Variants in CCDC150 observed in about 807,000 individuals in gnomAD.
CCDC150 encodes the protein coiled-coil domain-containing protein 150.
Under a neutral mutation model 156.5 loss-of-function variants are expected in CCDC150, and 151 were observed. The ratio of observed to expected loss-of-function variants is 0.97; its 90% CI spans 0.85 to 1.10. CCDC150 has a LOEUF of 1.10. Among genes scored for constraint, CCDC150 ranks in the 50% least tolerant of loss-of-function variants. The pLI is 0.00. For synonymous variants in CCDC150, 452 were observed against 429.4 expected, an observed-to-expected ratio of 1.05 and a Z score of -0.65; for missense variants, 1,312 against 1,268.1, an observed-to-expected ratio of 1.03 and a Z score of -0.53.
intron 1 of CCDC150, among the ~76,000 whole-genome samples, chr2:196,645,405 C>T (rs1317590059): frequency 2.0e-5 from 3 of 152,154 alleles, no homozygotes; most frequent in African/African-American, 7.2e-5. Context: ...GAAGTGGGTA[C>T]AAAGGTGTAT....
chr2:196,705,512 A>G (rs1308728201), intron 15 of CCDC150, among the ~76,000 whole-genome samples: 1 of 152,128 alleles, frequency 6.6e-6, no homozygotes, highest in South Asian at 2.1e-4. Flanking sequence ...GTTCACTCTC[A>G]TGGTAGTTAG....
At chr2:196,706,103 C>A (rs9750402) in intron 15 of CCDC150, among the ~76,000 whole-genome samples, 13,779 of 152,112 alleles carry the variant, frequency 0.091, 781 homozygotes, top group African/African-American at 0.17. Context: ...TGGGGATGGC[C>A]TTGAATCTAT....
intron 1 of CCDC150, among the ~76,000 whole-genome samples, chr2:196,644,503 A>G (rs995100939): frequency 3.9e-5 from 6 of 151,928 alleles, no homozygotes; most frequent in African/African-American, 1.5e-4. Flanking sequence ...TTACTACTTG[A>G]GGAATACTAT....
intron 13 of CCDC150, among the ~76,000 whole-genome samples, chr2:196,680,153 T>A (rs929724130): frequency 5.3e-5 from 8 of 152,208 alleles, no homozygotes; most frequent in Middle Eastern, 3.2e-3. Flanking sequence ...ATTTTGTGGA[T>A]CATACTTTTT....
At chr2:196,729,459 A>G (rs1023799603) in intron 23 of CCDC150, 72 bp downstream of exon 23, 6 of 1,473,744 alleles carry the variant, frequency 4.1e-6, no homozygotes, top group Non-Finnish European at 2.8e-6. Flanking sequence ...TGTCTAGGGA[A>G]GACAGGTTTT....
chr2:196,675,002 T>A (rs916052027), intron 10 of CCDC150, among the ~76,000 whole-genome samples: 1 of 152,090 alleles, frequency 6.6e-6, no homozygotes, highest in African/African-American at 2.4e-5. Context: ...GTTAGAGAAG[T>A]TCACTTGCCC....
At chr2:196,704,960 A>C (rs1430606372) in intron 15 of CCDC150, among the ~76,000 whole-genome samples, 1 of 152,202 alleles carries the variant, frequency 6.6e-6, no homozygotes, top group Non-Finnish European at 1.5e-5. Flanking sequence ...ATCTATGAAC[A>C]TTTTGGGTTG....
Position 196,676,264 on chromosome 2 carries a change from A to G in CCDC150, c.1259A>G (p.His420Arg). The change falls in exon 11 of 28, where the codon CAT becomes CGT. Residue 420 changes from histidine to arginine, a missense_variant. Coordinates refer to ENST00000389175, the MANE Select transcript of CCDC150 (RefSeq NM_001080539.2). Reference protein sequence around the residue: ...VQNEKTQLQAHLDHLILEHNQ... With the variant: ...VQNEKTQLQARLDHLILEHNQ... ...AATGAGAAAACCCAACTCCAGGCAC[A>G]TCTGTAAGTAAATTATGGGCAACTT... is the stretch of plus-strand genomic sequence containing the variant. 1 of 1,613,062 alleles carries G rather than the reference A, an allele frequency of 6.2e-7. No individual in the cohort carries two copies. Among genetic ancestry groups the G allele is most frequent in the South Asian group, 1.1e-5 (1 of 90,794 alleles).
intron 20 of CCDC150, 55 bp downstream of exon 20, chr2:196,720,723 T>C: frequency 6.9e-7 from 1 of 1,458,350 alleles, no homozygotes; most frequent in Non-Finnish European, 9.4e-7. Flanking sequence ...TTTATTGGGA[T>C]ATTACTGTTT....
intron 8 of CCDC150, among the ~76,000 whole-genome samples, chr2:196,672,126 TTAA>T (rs1220703970): frequency 6.6e-6 from 1 of 152,202 alleles, no homozygotes; most frequent in Non-Finnish European, 1.5e-5. Flanking sequence ...CATTATTGTT[TTAA>T]ATAAACAGTT....
Position 196,721,493 on chromosome 2 carries a change from G to A in CCDC150, c.2260-29G>A, listed in dbSNP as rs78594784. The A allele has an allele frequency of 1.7e-3, 2,718 of 1,566,918 alleles. 35 individuals carry two copies. The African/African-American group carries it at 0.03, about 17-fold the overall frequency. On this transcript the variant is annotated intron_variant, in intron 20 of 27. Transcript: ENST00000389175. ...ACTTCTTGCATCTGTCCATTACAGT[G>A]GAATTGAAAACATGCTTCTCTCTTT...
intron 8 of CCDC150, 44 bp from the exon 9 acceptor site, chr2:196,672,301 G>A (rs754732344): frequency 5.0e-6 from 5 of 995,054 alleles, no homozygotes; most frequent in Admixed American, 6.8e-5. Context: ...GGTGCACATA[G>A]TATCTCTTAT....
Position 196,674,305 on chromosome 2 carries a change from T to A in CCDC150, c.1094T>A (p.Met365Lys), listed in dbSNP as rs745851812. 5.6e-6 allele frequency: 9 copies of A among 1,604,190 alleles called. No individual in the cohort carries two copies. In the Admixed American group the frequency reaches 8.5e-5, roughly 15 times the overall value. The change falls in exon 10 of 28, where the codon ATG (methionine) becomes AAG (lysine). Residue 365 changes from methionine (M) to lysine (K), a missense_variant. Met to Lys is a moderately conservative substitution (Grantham distance 95, BLOSUM62 -1). Transcript: ENST00000389175. The part of the protein sequence containing the change: ...ELSCMLQTVT[M>K]EKARIIADHQ... ...AGCTGCATGCTTCAGACTGTTACTA[T>A]GGAAAAAGCCAGAATCATTGCTGAC... is the stretch of plus-strand genomic sequence containing the variant.
At chr2:196,664,858 C>T (rs1046729456) in intron 5 of CCDC150, among the ~76,000 whole-genome samples, 5 of 151,868 alleles carry the variant, frequency 3.3e-5, no homozygotes, top group Non-Finnish European at 5.9e-5. Context: ...GTGCCAGGAA[C>T]GAGGGTCAGA....
intron 13 of CCDC150, among the ~76,000 whole-genome samples, chr2:196,679,823 C>T (rs968390520): frequency 6.6e-6 from 1 of 152,122 alleles, no homozygotes; most frequent in Non-Finnish European, 1.5e-5. Context: ...TGTGTAGCAG[C>T]GTGTCACTGT....
intron 9 of CCDC150, among the ~76,000 whole-genome samples, chr2:196,673,108 T>G (rs116588877): frequency 1.3e-5 from 2 of 152,288 alleles, no homozygotes; most frequent in East Asian, 3.9e-4. Context: ...TTTTTAAATA[T>G]AATAACATCA....
rs1038531122 is a variant in CCDC150, at chr2:196,665,623, A to C, written c.702A>C (p.Ala234=). 1.9e-6 allele frequency: 3 copies of C among 1,606,030 alleles called. No homozygotes were observed. The highest frequency in any genetic ancestry group is 2.5e-6 in the Non-Finnish European group (3 of 1,176,536). ...TTAGGGAATCTTTAGAGAAATCAGC[A>C]TCAGCCATGCTCCTCAAAATACAAG... ...KYLRESLEKS[A]SAMLLKIQEM... is the part of the protein sequence containing the mutation. The change falls in exon 6 of 28, where the codon GCA becomes GCC. Residue 234 remains alanine (A), a synonymous_variant. Transcript: ENST00000389175.
At chr2:196,652,447 A>C (rs2125577654) in intron 2 of CCDC150, among the ~76,000 whole-genome samples, 1 of 152,378 alleles carries the variant, frequency 6.6e-6, no homozygotes, top group South Asian at 2.1e-4. Flanking sequence ...TTAAAGCTCC[A>C]AAACAATCTT....
intron 5 of CCDC150, among the ~76,000 whole-genome samples, chr2:196,663,485 TAAG>T (rs56057505): frequency 0.75 from 113,518 of 151,540 alleles, 42,621 homozygotes; most frequent in East Asian, 0.82. Flanking sequence ...ATACTATTGA[TAAG>T]AAGGTAATAA....
Sources: gnomAD v4.1 joint callset for allele counts (sites outside exome capture counted in the v4.1 genomes callset) on GRCh38, gnomAD v4.1.1 for gene constraint, MANE v1.5 for transcripts, NCBI Gene and HGNC (gene_info 2026-07-23, HGNC 2026-07-21) for gene names.